Variants in HAS2 observed in about 807,000 individuals in gnomAD.
HAS2 encodes the protein hyaluronan synthase 2, also known as HA synthase 2.
A neutral mutation model predicts 51.6 loss-of-function variants in HAS2; 16 were observed. The observed-to-expected ratio is 0.31, with a 90% CI of 0.21 to 0.47. The LOEUF is 0.47. HAS2 is among the 20% of genes least tolerant of loss of function. The probability of loss-of-function intolerance (pLI) is 1.00; values close to 1 mark genes in which losing one functional copy is unlikely to be tolerated. For synonymous variants in HAS2, 228 were observed against 235.5 expected, an observed-to-expected ratio of 0.97 and a Z score of 0.29; for missense variants, 361 against 662.6, an observed-to-expected ratio of 0.54 and a Z score of 5.00.
intron 2 of HAS2, among the ~76,000 whole-genome samples, chr8:121,624,417 G>T (rs947929121): frequency 6.6e-6 from 1 of 152,214 alleles, no homozygotes; most frequent in Non-Finnish European, 1.5e-5. Context: ...TTGCCACTGT[G>T]TGCTTGTCAG....
chr8:121,615,433 T>C (rs763312775), intron 3 of HAS2, among the ~76,000 whole-genome samples: 1 of 152,120 alleles, frequency 6.6e-6, no homozygotes, highest in Non-Finnish European at 1.5e-5. Context: ...GCCTTCCTGG[T>C]TCAAATGATT....
chr8:121,621,322 T>G (rs144226751), intron 2 of HAS2, among the ~76,000 whole-genome samples: 1 of 152,326 alleles, frequency 6.6e-6, no homozygotes, highest in East Asian at 1.9e-4. Flanking sequence ...AGATTTTGCC[T>G]ATTACAAGAG....
At position 121,634,098 on chromosome 8, in the gene HAS2, C is replaced by T. The variant is rs1042905199; in HGVS notation, c.1-4758G>A. 7.9e-5 allele frequency among the ~76,000 whole-genome samples: 12 copies of T among 151,848 alleles called. 1 individual carries two copies. The highest frequency in any genetic ancestry group is 2.0e-4 in the Admixed American group (3 of 15,238). On this transcript the variant is annotated intron_variant, in intron 1 of 3. Transcript: ENST00000303924. Reference sequence around the variant, plus strand: ...GCTAATTTTGTATTTTTATGAGATGCGGGGTTTCTCCATGTTGGTCAGGCT... The same window carrying T: ...GCTAATTTTGTATTTTTATGAGATGTGGGGTTTCTCCATGTTGGTCAGGCT...
At chr8:121,618,179 G>A (rs1812731837) in intron 2 of HAS2, among the ~76,000 whole-genome samples, 1 of 152,118 alleles carries the variant, frequency 6.6e-6, no homozygotes, top group South Asian at 2.1e-4. Flanking sequence ...AAGTTAAACA[G>A]AAAAATAATA....
intron 1 of HAS2, among the ~76,000 whole-genome samples, chr8:121,638,420 A>T (rs974604932): frequency 6.6e-6 from 1 of 152,196 alleles, no homozygotes; most frequent in African/African-American, 2.4e-5. Flanking sequence ...TTCTTTGATA[A>T]AGGGATTCGA....
At position 121,612,925 on chromosome 8, in the gene HAS2, T is replaced by A. The variant is rs1335487288; in HGVS notation, c.*1184A>T. On this transcript the variant is annotated 3_prime_UTR_variant, in exon 4 of 4. Coordinates refer to ENST00000303924, the MANE Select transcript of HAS2 (RefSeq NM_005328.3). ...CACCCGTGTAAACATTATACTAACA[T>A]GTAAAGTGAACTGGCAAGTTGAAAA... 6.7e-6 allele frequency: 1 copy of A among 149,556 alleles called. No homozygotes were observed. The highest frequency in any genetic ancestry group is 1.5e-5 in the Non-Finnish European group (1 of 67,654). 9.3% of individuals were successfully genotyped at this position (149,556 alleles called of 1,614,324 possible).
At chr8:121,633,450 TTGTTTCCCTACTGTTATAGAAAA>T (rs1812962277) in intron 1 of HAS2, among the ~76,000 whole-genome samples, 1 of 152,098 alleles carries the variant, frequency 6.6e-6, no homozygotes, top group Admixed American at 6.6e-5. Flanking sequence ...AGCCTGAAAA[TTGTTTCCCTACTGTTATAGAAAA>T]TGGGAAATTG....
chr8:121,626,987 T>C (rs1225369824), intron 2 of HAS2, among the ~76,000 whole-genome samples: 1 of 152,082 alleles, frequency 6.6e-6, no homozygotes, highest in Non-Finnish European at 1.5e-5. Context: ...TTTTGTATTA[T>C]TTTTTTCCTG....
chr8:121,639,996 G>C (rs1033320713), intron 1 of HAS2: 1 of 152,172 alleles, frequency 6.6e-6, no homozygotes, highest in African/African-American at 2.4e-5. Context: ...GCGGTGCCAC[G>C]TCGGAATTGG....
rs751933866 is a variant in HAS2 at position 121,614,383 on chromosome 8, C to G, written c.1385G>C (p.Gly462Ala). The change falls in exon 4 of 4, where the codon GGG becomes GCG. Residue 462 changes from glycine (G) to alanine (A), a missense_variant. Gly to Ala is a moderately conservative substitution (Grantham distance 60, BLOSUM62 0). Transcript: ENST00000303924. This position sits in a 1 kb window ranked among gnomAD's most constrained non-coding sequence, Gnocchi z 7.2. ...GGTTTTCCTTCCTGATGTGCCCCACCCAGCTTTGTTTATTGTTGCAATTGC... is the reference window on the plus strand; with the variant it reads ...GGTTTTCCTTCCTGATGTGCCCCACGCAGCTTTGTTTATTGTTGCAATTGC... ...MFAIATINKA[G>A]WGTSGRKTIV... 2 of 1,614,084 alleles carry G rather than the reference C, an allele frequency of 1.2e-6. No individual in the cohort carries two copies. The highest frequency in any genetic ancestry group is 1.7e-6 in the Non-Finnish European group (2 of 1,179,998).
chr8:121,640,439 GT>G lies in HAS2; in HGVS notation c.-1+413del, dbSNP rs1813077995. Among the ~76,000 whole-genome samples, 6 of 151,986 alleles carry G rather than the reference GT, an allele frequency of 3.9e-5. No homozygotes were observed. In the East Asian group the frequency reaches 5.8e-4, roughly 15 times the overall value. ...CCCCACAGTGTGTGTGTGTGTGTGT[GT>G]GTGTGGGAAAAAAAGAAGGGAAGGG... On this transcript the variant is annotated intron_variant, in intron 1 of 3. Coordinates refer to ENST00000303924, the MANE Select transcript of HAS2 (RefSeq NM_005328.3).
At chr8:121,633,911 G>GTTT (rs547991757) in intron 1 of HAS2, among the ~76,000 whole-genome samples, 1 of 140,986 alleles carries the variant, frequency 7.1e-6, no homozygotes. Context: ...TGTTTTTTTG[G>GTTT]GTTTTTTTTT....
intron 1 of HAS2, 136 bp from the exon 2 acceptor site, chr8:121,629,476 G>C: frequency 1.4e-6 from 1 of 701,068 alleles, no homozygotes; most frequent in Non-Finnish European, 2.4e-6. Context: ...AACTCATTGT[G>C]TGACTTTCTG....
rs879352019 is a variant in HAS2, at chr8:121,622,179, T to A, written c.628-4973A>T. 5.3e-5 allele frequency among the ~76,000 whole-genome samples: 8 copies of A among 152,094 alleles called. No individual in the cohort carries two copies. The East Asian group carries it at 1.5e-3, about 29-fold the overall frequency. On this transcript the variant is annotated intron_variant, in intron 2 of 3. Coordinates refer to ENST00000303924, the MANE Select transcript of HAS2 (RefSeq NM_005328.3). The stretch of plus-strand genomic sequence containing the variant: ...TCTGCATCACCCCCCCATCCCAATT[T>A]CTCTAGTAAAAAGGGGTAATGGCAG...
In HAS2 at chr8:121,633,745, A is replaced by G. The variant is rs10110603; in HGVS notation, c.1-4405T>C. 8.0e-3 allele frequency among the ~76,000 whole-genome samples: 1,216 copies of G among 152,102 alleles called. 20 individuals carry two copies. Among genetic ancestry groups the G allele is most frequent in the African/African-American group, 0.028 (1,144 of 41,496 alleles). On this transcript the variant is annotated intron_variant, in intron 1 of 3. Coordinates refer to ENST00000303924, the MANE Select transcript of HAS2 (RefSeq NM_005328.3). ...CCGTTGGCTCATATACCCCAGTGGG[A>G]CTCTTCAGGTCACTGGACCTCGAAG...
chr8:121,636,093 C>T (rs1813004524), intron 1 of HAS2, among the ~76,000 whole-genome samples: 1 of 152,190 alleles, frequency 6.6e-6, no homozygotes, highest in Non-Finnish European at 1.5e-5. Context: ...ATCTGTGGCT[C>T]CCACATTTTG....
intron 2 of HAS2, among the ~76,000 whole-genome samples, chr8:121,625,831 C>G (rs62524935): frequency 0.19 from 29,060 of 151,850 alleles, 2,866 homozygotes; most frequent in Middle Eastern, 0.29. Flanking sequence ...TCTTTAACTT[C>G]TTTTCTCAAT....
At chr8:121,625,516 ACTT>A (rs1812835154) in intron 2 of HAS2, among the ~76,000 whole-genome samples, 1 of 148,684 alleles carries the variant, frequency 6.7e-6, no homozygotes, top group Non-Finnish European at 1.5e-5. Context: ...ATTCCCTTCA[ACTT>A]TTTTTTTTTT....
Position 121,614,401 on chromosome 8 carries a change from G to C in HAS2, c.1367C>G (p.Ala456Gly). The C allele has an allele frequency of 6.2e-7, 1 of 1,614,066 alleles. No homozygotes were observed. The highest frequency in any genetic ancestry group is 8.5e-7 in the Non-Finnish European group (1 of 1,179,978). The change falls in exon 4 of 4, where the codon GCA becomes GGA. Residue 456 changes from alanine (A) to glycine (G), a missense_variant. Coordinates refer to ENST00000303924, the MANE Select transcript of HAS2 (RefSeq NM_005328.3). This position sits in a 1 kb window ranked among gnomAD's most constrained non-coding sequence, Gnocchi z 7.2. ...GCCCCACCCAGCTTTGTTTATTGTT[G>C]CAATTGCAAACATCTTGGCGGGAAG... Reference protein sequence around the residue: ...SLLPAKMFAIATINKAGWGTS... With the variant: ...SLLPAKMFAIGTINKAGWGTS...
Sources: allele counts gnomAD v4.1 joint callset (sites outside exome capture counted in the v4.1 genomes callset), GRCh38; gene constraint gnomAD v4.1.1; non-coding constraint Gnocchi (gnomAD v3.1); transcripts MANE v1.5; gene names NCBI Gene and HGNC (gene_info 2026-07-23, HGNC 2026-07-21).